C10orf120: variants seen among roughly 807,000 people sequenced by gnomAD.
The protein encoded by C10orf120 is uncharacterized protein C10orf120.
In C10orf120, 15 loss-of-function variants were observed where a neutral mutation model predicts 10.8. The ratio of observed to expected loss-of-function variants is 1.39; its 90% CI spans 0.93 to 2.14. The LOEUF (loss-of-function observed/expected upper bound fraction) is 2.14, where lower values mean the gene tolerates loss of function less well. Among genes scored for constraint, C10orf120 ranks in the 30% most tolerant of loss-of-function variants. The pLI is 0.00. For missense variants in C10orf120, 447 were observed against 411.3 expected, an observed-to-expected ratio of 1.09 and a Z score of -0.75; for synonymous variants, 141 against 138.9, an observed-to-expected ratio of 1.02 and a Z score of -0.11.
At position 122,699,066 on chromosome 10, in the gene C10orf120, G is replaced by A. The variant is rs561032292; in HGVS notation, c.252+271C>T. On this transcript the variant is annotated intron_variant, in intron 2 of 2. Transcript: ENST00000329446. ...GGAGAATGGCGTGAACCCGGGAAGCGGAGCTTGCAGTGAGCCGAGATTGCG... is the reference window on the plus strand; with the variant it reads ...GGAGAATGGCGTGAACCCGGGAAGCAGAGCTTGCAGTGAGCCGAGATTGCG... 8.4e-4 allele frequency among the ~76,000 whole-genome samples: 122 copies of A among 145,214 alleles called. 1 individual carries two copies. The highest frequency in any genetic ancestry group is 2.5e-3 in the East Asian group (12 of 4,854).
At position 122,697,876 on chromosome 10, in the gene C10orf120, C is replaced by T. The variant is rs144024534; in HGVS notation, c.865G>A (p.Glu289Lys). The T allele has an allele frequency of 6.2e-7, 1 of 1,614,068 alleles. No homozygotes were observed. The highest frequency in any genetic ancestry group is 8.5e-7 in the Non-Finnish European group (1 of 1,180,050). ...ATTAGCATTAAGTCACCAGGGAATT[C>T]TGATATGCAGAAAAGATTTCGGTTT... ...LTNRNLFCIS[E>K]FPGDLMLMNQ... is the part of the protein sequence containing the mutation. The change falls in exon 3 of 3, where the codon GAA (glutamate) becomes AAA (lysine). Residue 289 changes from glutamate to lysine, a missense_variant. Coordinates refer to ENST00000329446, the MANE Select transcript of C10orf120 (RefSeq NM_001010912.4).
intron 2 of C10orf120, among the ~76,000 whole-genome samples, chr10:122,698,922 C>A (rs1252480743): frequency 6.7e-6 from 1 of 148,896 alleles, no homozygotes; most frequent in African/African-American, 2.5e-5. Flanking sequence ...GTCAGAAGAT[C>A]GAGACCATCC....
rs61978644 is a variant in C10orf120 at position 122,697,906 on chromosome 10, G to A, written c.835C>T (p.Leu279=). 28 of 1,614,070 alleles carry A rather than the reference G, an allele frequency of 1.7e-5. No homozygotes were observed. Among genetic ancestry groups the A allele is most frequent in the Admixed American group, 3.3e-5 (2 of 60,008 alleles). Residue 279 remains leucine (L), a synonymous_variant, in exon 3 of 3, where the codon CTA becomes TTA. Coordinates refer to ENST00000329446, the MANE Select transcript of C10orf120 (RefSeq NM_001010912.4). Reference sequence around the variant, plus strand: ...ATGCAGAAAAGATTTCGGTTTGTTAGGCCTGCGATGGACCGTTCCGGTTTC... The same window carrying A: ...ATGCAGAAAAGATTTCGGTTTGTTAAGCCTGCGATGGACCGTTCCGGTTTC... The part of the protein sequence containing the change: ...AKKPERSIAG[L]TNRNLFCISE...
intron 2 of C10orf120, 74 bp from the exon 3 acceptor site, chr10:122,698,562 G>A: frequency 1.4e-6 from 2 of 1,388,816 alleles, no homozygotes; most frequent in Non-Finnish European, 1.0e-6. Flanking sequence ...CTTGCTAGTG[G>A]CTGGTTCTCC....
At chr10:122,699,516 C>T in intron 1 of C10orf120, 99 bp downstream of exon 1, 4 of 1,444,738 alleles carry the variant, frequency 2.8e-6, no homozygotes, top group Non-Finnish European at 3.8e-6. Flanking sequence ...ACTAGCCAGG[C>T]TGAGGCCGCC....
At position 122,698,173 on chromosome 10, in the gene C10orf120, T is replaced by C; in HGVS notation, c.568A>G (p.Thr190Ala). Residue 190 changes from threonine to alanine, a missense_variant, in exon 3 of 3, where the codon ACA becomes GCA. Physicochemically the swap from Thr to Ala is moderately conservative, Grantham distance 58. Transcript: ENST00000329446. Reference sequence around the variant, plus strand: ...ACCCCAGACAGAAATGAGGAGCGTGTAAACCTTTCAATGTAGGGTAAAGGC... The same window carrying C: ...ACCCCAGACAGAAATGAGGAGCGTGCAAACCTTTCAATGTAGGGTAAAGGC... ...HQPLPYIERFTRSSFLSGVGL... is the reference protein window; with the variant it reads ...HQPLPYIERFARSSFLSGVGL... 3 of 1,613,434 alleles carry C rather than the reference T, an allele frequency of 1.9e-6. No individual in the cohort carries two copies. Among genetic ancestry groups the C allele is most frequent in the Non-Finnish European group, 2.5e-6 (3 of 1,179,842 alleles).
rs1204834650 is a variant in C10orf120 at position 122,698,206 on chromosome 10, T to C, written c.535A>G (p.Asn179Asp). ...ERMRLARALG[N>D]HQPLPYIERF... ...TCAATGTAGGGTAAAGGCTGATGATTTCCCAGAGCCCGAGCAAGCCTCATC... is the reference window on the plus strand; with the variant it reads ...TCAATGTAGGGTAAAGGCTGATGATCTCCCAGAGCCCGAGCAAGCCTCATC... Residue 179 changes from asparagine (N) to aspartate (D), a missense_variant, in exon 3 of 3, where the codon AAT (asparagine) becomes GAT (aspartate). By Grantham distance (23) the Asn-to-Asp change is conservative. Transcript: ENST00000329446. 1 of 1,613,708 alleles carries C rather than the reference T, an allele frequency of 6.2e-7. No homozygotes were observed. The highest frequency in any genetic ancestry group is 1.7e-5 in the Admixed American group (1 of 59,930).
At chr10:122,698,944 G>A (rs977758298) in intron 2 of C10orf120, among the ~76,000 whole-genome samples, 1 of 149,678 alleles carries the variant, frequency 6.7e-6, no homozygotes, top group Non-Finnish European at 1.5e-5. Context: ...GGCTAACAAG[G>A]TGAAACCCCG....
chr10:122,698,897 C>T (rs1292376655), intron 2 of C10orf120, among the ~76,000 whole-genome samples: 2 of 151,030 alleles, frequency 1.3e-5, no homozygotes, highest in African/African-American at 2.4e-5. Flanking sequence ...GAGGCCGAGG[C>T]GGGTGGATCA....
rs760752463 is a variant in C10orf120, at chr10:122,698,413, T to C, written c.328A>G (p.Lys110Glu). 1.2e-6 allele frequency: 2 copies of C among 1,614,176 alleles called. No homozygotes were observed. The highest frequency in any genetic ancestry group is 1.7e-6 in the Non-Finnish European group (2 of 1,179,990). ...YKQEEECRML[K>E]ELQLLSPDYK... ...TCCGGAGACAGCAACTGTAGTTCCT[T>C]GAGCATTCTGCATTCTTCCTCTTGC... The change falls in exon 3 of 3, where the codon AAG (lysine) becomes GAG (glutamate). Residue 110 changes from lysine (K) to glutamate (E), a missense_variant. Lys to Glu is a moderately conservative substitution (Grantham distance 56). Coordinates refer to ENST00000329446, the MANE Select transcript of C10orf120 (RefSeq NM_001010912.4).
In C10orf120 at chr10:122,699,698, A is replaced by G. The variant is rs370784195; in HGVS notation, c.93T>C (p.Val31=). 3 of 1,613,884 alleles carry G rather than the reference A, an allele frequency of 1.9e-6. No homozygotes were observed. Among genetic ancestry groups the G allele is most frequent in the East Asian group, 2.2e-5 (1 of 44,894 alleles). The part of the protein sequence containing the change: ...MVQERKNEKP[V]RIFNTNSSFQ... The stretch of plus-strand genomic sequence containing the variant: ...AGGAAGAGTTGGTATTAAATATTCT[A>G]ACTGGCTTTTCATTCTTCCTTTCTT... The change falls in exon 1 of 3, where the codon GTT becomes GTC. Residue 31 remains valine (V), a synonymous_variant. Coordinates refer to ENST00000329446, the MANE Select transcript of C10orf120 (RefSeq NM_001010912.4).
intron 2 of C10orf120, 64 bp from the exon 3 acceptor site, chr10:122,698,552 C>T: frequency 6.7e-7 from 1 of 1,485,144 alleles, no homozygotes; most frequent in Non-Finnish European, 9.3e-7. Context: ...CCCACAGAAA[C>T]TTGCTAGTGG....
In C10orf120 at chr10:122,699,599, T is replaced by G. The variant is rs1480823562; in HGVS notation, c.176+16A>C. 6.3e-7 allele frequency: 1 copy of G among 1,593,204 alleles called. No individual in the cohort carries two copies. On this transcript the variant is annotated intron_variant, in intron 1 of 2. Coordinates refer to ENST00000329446, the MANE Select transcript of C10orf120 (RefSeq NM_001010912.4). The stretch of plus-strand genomic sequence containing the variant: ...TCTTTCTGACATGGACAGACTAAAG[T>G]GCAAGTCAGACTCACCGCAACGGTG...
rs773938139 is a variant in C10orf120, at chr10:122,697,992, T to C, written c.749A>G (p.Lys250Arg). ...EIKMNVVFKS[K>R]EPKKCLTYHG... ...GTATGTTAAACATTTTTTTGGTTCT[T>C]TTGACTTGAAAACTACATTCATTTT... is the stretch of plus-strand genomic sequence containing the variant. Residue 250 changes from lysine to arginine, a missense_variant, in exon 3 of 3, where the codon AAA becomes AGA. Coordinates refer to ENST00000329446, the MANE Select transcript of C10orf120 (RefSeq NM_001010912.4). The C allele has an allele frequency of 1.2e-6, 2 of 1,609,150 alleles. No homozygotes were observed. Among genetic ancestry groups the C allele is most frequent in the Admixed American group, 3.4e-5 (2 of 59,012 alleles).
Position 122,697,870 on chromosome 10 carries a change from G to T in C10orf120, c.871C>A (p.Pro291Thr). Residue 291 changes from proline to threonine, a missense_variant, in exon 3 of 3, where the codon CCT (proline) becomes ACT (threonine). Physicochemically the swap from Pro to Thr is conservative, Grantham distance 38. Coordinates refer to ENST00000329446, the MANE Select transcript of C10orf120 (RefSeq NM_001010912.4). The part of the protein sequence containing the change: ...NRNLFCISEF[P>T]GDLMLMNQDF... The stretch of plus-strand genomic sequence containing the variant: ...TGATTCATTAGCATTAAGTCACCAG[G>T]GAATTCTGATATGCAGAAAAGATTT... 1 of 1,614,166 alleles carries T rather than the reference G, an allele frequency of 6.2e-7. No homozygotes were observed.
intron 2 of C10orf120, among the ~76,000 whole-genome samples, chr10:122,698,712 T>C (rs1041386130): frequency 4.6e-5 from 7 of 152,204 alleles, no homozygotes; most frequent in Non-Finnish European, 8.8e-5. Flanking sequence ...TACAGGGTCA[T>C]GGTGAAGCCT....
rs1454511798 is a variant in C10orf120, at chr10:122,699,358, G to A, written c.231C>T (p.Ser77=). The A allele has an allele frequency of 6.2e-7, 1 of 1,612,556 alleles. No homozygotes were observed. Among genetic ancestry groups the A allele is most frequent in the African/African-American group, 1.3e-5 (1 of 74,936 alleles). ...SDPRIALGKY[S]PLEKEILRLG... is the part of the protein sequence containing the mutation. ...TTACTAGGATCTCTTTTTCCAAGGG[G>A]GAGTATTTCCCAAGGGCAATCCGTG... The change falls in exon 2 of 3, where the codon TCC becomes TCT. Residue 77 remains serine, a synonymous_variant. Transcript: ENST00000329446.
chr10:122,697,918 A>C lies in C10orf120; in HGVS notation c.823T>G (p.Ser275Ala), dbSNP rs1253566281. Residue 275 changes from serine to alanine, a missense_variant, in exon 3 of 3, where the codon TCC becomes GCC. Transcript: ENST00000329446. ...SFLPAKKPER[S>A]IAGLTNRNLF... ...TTTCGGTTTGTTAGGCCTGCGATGG[A>C]CCGTTCCGGTTTCTTTGCGGGGAGG... The C allele has an allele frequency of 6.2e-7, 1 of 1,613,996 alleles. No homozygotes were observed. The highest frequency in any genetic ancestry group is 1.1e-5 in the South Asian group (1 of 91,042).
intron 2 of C10orf120, among the ~76,000 whole-genome samples, chr10:122,699,059 G>A (rs1046343816): frequency 3.0e-4 from 44 of 147,882 alleles, no homozygotes; most frequent in African/African-American, 9.2e-4. Flanking sequence ...GCGTGAACCC[G>A]GGAAGCGGAG....
Sources: allele counts gnomAD v4.1 joint callset (sites outside exome capture counted in the v4.1 genomes callset), GRCh38; gene constraint gnomAD v4.1.1; transcripts MANE v1.5; gene names NCBI Gene and HGNC (gene_info 2026-07-23, HGNC 2026-07-21).